LRRC49: variants seen among roughly 807,000 people sequenced by gnomAD.
LRRC49 encodes the protein leucine-rich repeat-containing protein 49.
LRRC49 carries 50 observed loss-of-function variants against 83.3 expected under a neutral mutation model. The ratio of observed to expected loss-of-function variants is 0.60; its 90% CI spans 0.48 to 0.76. The LOEUF is 0.76. Ranked by LOEUF, LRRC49 falls within the 30% of genes least tolerant of loss-of-function variation. The pLI, the probability that LRRC49 is intolerant of heterozygous loss-of-function variation, is 0.00. For synonymous variants in LRRC49, 286 were observed against 283.3 expected (o/e 1.01, Z -0.10); for missense variants, 704 against 809.1 (o/e 0.87, Z 1.58).
intron 11 of LRRC49, among the ~76,000 whole-genome samples, chr15:70,994,516 C>T (rs1425791168): frequency 6.6e-6 from 1 of 152,022 alleles, no homozygotes; most frequent in Non-Finnish European, 1.5e-5. Flanking sequence ...ACTCTGTCTC[C>T]CAGGCTGAAG....
chr15:70,937,123 C>T (rs1448228898), intron 8 of LRRC49, among the ~76,000 whole-genome samples: 1 of 152,160 alleles, frequency 6.6e-6, no homozygotes, highest in Non-Finnish European at 1.5e-5. Context: ...CTTTGTTTGA[C>T]ATTCACGGCA....
At chr15:71,012,528 C>A (rs1402467638) in intron 13 of LRRC49, among the ~76,000 whole-genome samples, 1 of 151,896 alleles carries the variant, frequency 6.6e-6, no homozygotes, top group East Asian at 1.9e-4. Context: ...ATTGAAGGTA[C>A]CTCAAGTGTA....
At chr15:71,046,629 T>C (rs554656895) in intron 15 of LRRC49, among the ~76,000 whole-genome samples, 1 of 152,334 alleles carries the variant, frequency 6.6e-6, no homozygotes, top group East Asian at 1.9e-4. Flanking sequence ...TTTGCAAATA[T>C]CTTCTCCAAT....
At chr15:70,919,575 A>G (rs1035901400) in intron 7 of LRRC49, among the ~76,000 whole-genome samples, 3 of 152,194 alleles carry the variant, frequency 2.0e-5, no homozygotes, top group Non-Finnish European at 4.4e-5. Context: ...AGAGATTGAG[A>G]GTTGTGAAGA....
At chr15:70,901,365 A>G (rs2034071460) in intron 4 of LRRC49, among the ~76,000 whole-genome samples, 2 of 152,112 alleles carry the variant, frequency 1.3e-5, no homozygotes, top group African/African-American at 4.8e-5. Context: ...GTTTCCTGTT[A>G]CTTCACTGGC....
intron 7 of LRRC49, among the ~76,000 whole-genome samples, 176 bp downstream of exon 7, chr15:70,919,369 A>G (rs1485318904): frequency 6.6e-6 from 1 of 152,188 alleles, no homozygotes; most frequent in African/African-American, 2.4e-5. Flanking sequence ...GGAGGTATTG[A>G]GGTATTTTCC....
intron 14 of LRRC49, among the ~76,000 whole-genome samples, chr15:71,017,544 A>G (rs1007297937): frequency 6.6e-6 from 1 of 152,206 alleles, no homozygotes; most frequent in Non-Finnish European, 1.5e-5. Context: ...TAATAGAAAA[A>G]AAAAGGCAAA....
chr15:71,046,113 G>A (rs977065241), intron 15 of LRRC49, among the ~76,000 whole-genome samples: 1 of 152,136 alleles, frequency 6.6e-6, no homozygotes, highest in Non-Finnish European at 1.5e-5. Context: ...GGGCACCTGG[G>A]TTGGTTCTAT....
chr15:71,026,927 G>A (rs1235933081), intron 14 of LRRC49, among the ~76,000 whole-genome samples: 1 of 152,128 alleles, frequency 6.6e-6, no homozygotes, highest in Non-Finnish European at 1.5e-5. Flanking sequence ...CTTTTGCTGT[G>A]CAGAAGCTCT....
intron 7 of LRRC49, among the ~76,000 whole-genome samples, chr15:70,923,543 A>G (rs2035084068): frequency 2.0e-5 from 3 of 152,002 alleles, no homozygotes; most frequent in Non-Finnish European, 4.4e-5. Flanking sequence ...TAGTTGGGAT[A>G]TAACAGGACA....
chr15:70,872,383 C>T (rs1033964342), intron 1 of LRRC49, among the ~76,000 whole-genome samples: 10 of 127,922 alleles, frequency 7.8e-5, no homozygotes, highest in South Asian at 2.6e-4. Context: ...AGGGAGACCG[C>T]GGAAAGTGGG....
intron 9 of LRRC49, among the ~76,000 whole-genome samples, chr15:70,968,733 A>T (rs1357635866): frequency 4.6e-5 from 7 of 152,164 alleles, no homozygotes; most frequent in African/African-American, 1.7e-4. Context: ...TCTAATGACC[A>T]GTGATGATGA....
chr15:70,879,198 T>C (rs920948144), intron 2 of LRRC49, among the ~76,000 whole-genome samples: 1 of 152,304 alleles, frequency 6.6e-6, no homozygotes, highest in East Asian at 1.9e-4. Flanking sequence ...AGAATTTCCA[T>C]TTGGTTCTTT....
chr15:70,882,373 A>G, intron 2 of LRRC49: 1 of 1,235,588 alleles, frequency 8.1e-7, no homozygotes, highest in Non-Finnish European at 1.1e-6. Context: ...TTGAAGTGAA[A>G]GATTTACAAT....
intron 8 of LRRC49, among the ~76,000 whole-genome samples, chr15:70,948,520 G>C (rs1219585356): frequency 6.7e-6 from 1 of 148,872 alleles, no homozygotes; most frequent in African/African-American, 2.5e-5. Context: ...TTGCATACAG[G>C]GAACAAAAGA....
chr15:70,865,383 A>G (rs2032887386), intron 1 of LRRC49, among the ~76,000 whole-genome samples: 1 of 152,136 alleles, frequency 6.6e-6, no homozygotes, highest in South Asian at 2.1e-4. Context: ...TTCACCTACA[A>G]AACCACAATA....
chr15:71,009,098 G>A (rs2038561665), intron 12 of LRRC49, among the ~76,000 whole-genome samples: 1 of 151,870 alleles, frequency 6.6e-6, no homozygotes, highest in African/African-American at 2.4e-5. Flanking sequence ...TAGAAACTGT[G>A]ATTTCTGTAA....
intron 7 of LRRC49, among the ~76,000 whole-genome samples, chr15:70,934,389 T>G (rs952014889): frequency 6.6e-6 from 1 of 152,158 alleles, no homozygotes; most frequent in Non-Finnish European, 1.5e-5. Flanking sequence ...TTGTGTATAA[T>G]TATTTGCTTT....
At chr15:70,865,728 A>G (rs2032895109) in intron 1 of LRRC49, among the ~76,000 whole-genome samples, 1 of 152,162 alleles carries the variant, frequency 6.6e-6, no homozygotes, top group Non-Finnish European at 1.5e-5. Flanking sequence ...AAGAAGTATA[A>G]CCTACCTGTC....
Sources: allele counts gnomAD v4.1 joint callset (sites outside exome capture counted in the v4.1 genomes callset), GRCh38; gene constraint gnomAD v4.1.1; transcripts MANE v1.5; gene names NCBI Gene and HGNC (gene_info 2026-07-23, HGNC 2026-07-21).